HAUS6: variants seen among roughly 807,000 people sequenced by gnomAD.
HAUS6 encodes HAUS augmin-like complex subunit 6.
In HAUS6, 80 loss-of-function variants were observed where a neutral mutation model predicts 106.8. The ratio of observed to expected loss-of-function variants is 0.75; its 90% CI spans 0.63 to 0.90. The LOEUF is 0.90. Among genes scored for constraint, HAUS6 ranks in the 40% least tolerant of loss-of-function variants. The probability of loss-of-function intolerance (pLI) is 0.00; values close to 1 mark genes in which losing one functional copy is unlikely to be tolerated. For missense variants in HAUS6, 1,155 were observed against 1,118.1 expected (o/e 1.03, Z -0.47); for synonymous variants, 356 against 379.1 (o/e 0.94, Z 0.71).
intron 4 of HAUS6, among the ~76,000 whole-genome samples, chr9:19,092,589 T>C (rs991194167): frequency 2.6e-5 from 3 of 117,394 alleles, no homozygotes; most frequent in African/African-American, 3.5e-5. Context: ...CACTCCAGCC[T>C]GGGCAACAAG....
At chr9:19,097,862 C>G (rs1052617734) in intron 1 of HAUS6, among the ~76,000 whole-genome samples, 2 of 151,918 alleles carry the variant, frequency 1.3e-5, no homozygotes, top group East Asian at 1.9e-4. Flanking sequence ...ACTTAAACGG[C>G]AAAGCATGAA....
intron 8 of HAUS6, among the ~76,000 whole-genome samples, chr9:19,082,261 G>A (rs886112746): frequency 6.6e-6 from 1 of 152,292 alleles, no homozygotes; most frequent in East Asian, 1.9e-4. Flanking sequence ...TTGGCAATTA[G>A]GAGATCACTG....
At chr9:19,097,424 C>T in intron 1 of HAUS6, among the ~76,000 whole-genome samples, 1 of 151,988 alleles carries the variant, frequency 6.6e-6, no homozygotes, top group East Asian at 1.9e-4. Context: ...ACAACCCCAT[C>T]AAAAAGTGGG....
At chr9:19,064,826 T>C (rs753942246) in intron 12 of HAUS6, among the ~76,000 whole-genome samples, 2 of 152,178 alleles carry the variant, frequency 1.3e-5, no homozygotes, top group African/African-American at 4.8e-5. Flanking sequence ...ATAATCCAGA[T>C]ATCAAAGGCA....
intron 16 of HAUS6, chr9:19,057,674 T>C (rs1328990323): frequency 2.5e-6 from 1 of 396,538 alleles, no homozygotes; most frequent in Non-Finnish European, 4.5e-6. Context: ...CTGGGCAAGA[T>C]TTTGATGACA....
At chr9:19,093,004 A>C (rs1399198209) in intron 4 of HAUS6, among the ~76,000 whole-genome samples, 167 bp downstream of exon 4, 1 of 152,046 alleles carries the variant, frequency 6.6e-6, no homozygotes, top group Non-Finnish European at 1.5e-5. Flanking sequence ...TATTATGAGA[A>C]GATTTTAAAG....
At chr9:19,097,589 G>A (rs1817891238) in intron 1 of HAUS6, among the ~76,000 whole-genome samples, 2 of 151,986 alleles carry the variant, frequency 1.3e-5, no homozygotes, top group Admixed American at 1.3e-4. Context: ...TCATTAAAAA[G>A]TCAGGAAACA....
At chr9:19,076,305 G>A (rs1476605234) in intron 11 of HAUS6, among the ~76,000 whole-genome samples, 3 of 151,990 alleles carry the variant, frequency 2.0e-5, no homozygotes, top group African/African-American at 7.2e-5. Flanking sequence ...AGTGAGCTGA[G>A]ATTGTTCGAC....
chr9:19,062,943 G>A (rs1186176127), intron 14 of HAUS6, 65 bp downstream of exon 14: 1 of 1,218,834 alleles, frequency 8.2e-7, no homozygotes, highest in Non-Finnish European at 1.2e-6. Context: ...TGGGATTACA[G>A]ACATGGGCCA....
chr9:19,101,216 C>A (rs912164671), intron 1 of HAUS6, among the ~76,000 whole-genome samples: 1 of 152,108 alleles, frequency 6.6e-6, no homozygotes, highest in Non-Finnish European at 1.5e-5. Context: ...AAAATATGTA[C>A]AACTATGAAC....
chr9:19,069,163 T>C (rs949155823), intron 12 of HAUS6, among the ~76,000 whole-genome samples: 3 of 152,198 alleles, frequency 2.0e-5, no homozygotes, highest in African/African-American at 7.2e-5. Context: ...GTCTGAAAAC[T>C]ATCTGGACAA....
Position 19,102,658 on chromosome 9 carries a change from G to C in HAUS6, c.-7C>G, listed in dbSNP as rs1254730598. ...TGACCGAGGCCGAGCTCATCCTCGC[G>C]GTAGGCACGGTGGCTGCAAAGAAAG... On this transcript the variant is annotated 5_prime_UTR_variant, in exon 1 of 17. Transcript: ENST00000380502. 1.2e-6 allele frequency: 2 copies of C among 1,609,844 alleles called. No individual in the cohort carries two copies. The highest frequency in any genetic ancestry group is 3.4e-5 in the Admixed American group (2 of 59,602).
Position 19,102,671 on chromosome 9 carries a change from G to A in HAUS6, c.-20C>T. ...GCTCATCCTCGCGGTAGGCACGGTG[G>A]CTGCAAAGAAAGAAAGCGCAAGCCC... On this transcript the variant is annotated 5_prime_UTR_variant, in exon 1 of 17. Coordinates refer to ENST00000380502, the MANE Select transcript of HAUS6 (RefSeq NM_017645.5). 6.2e-7 allele frequency: 1 copy of A among 1,606,478 alleles called. No individual in the cohort carries two copies. The highest frequency in any genetic ancestry group is 2.2e-5 in the East Asian group (1 of 44,450).
At position 19,056,028 on chromosome 9, in the gene HAUS6, A is replaced by G. The variant is rs1418846405; in HGVS notation, c.*315T>C. 1 of 266,152 alleles carries G rather than the reference A, an allele frequency of 3.8e-6. No homozygotes were observed. The highest frequency in any genetic ancestry group is 7.1e-6 in the Non-Finnish European group (1 of 141,432). 16.5% of individuals were successfully genotyped at this position (266,152 alleles called of 1,614,324 possible). ...ATTGACTGAAGTTATAACATAAGAA[A>G]TAAGTTACACTACTACTTTGTCATT... On this transcript the variant is annotated 3_prime_UTR_variant, in exon 17 of 17. Transcript: ENST00000380502.
intron 1 of HAUS6, among the ~76,000 whole-genome samples, chr9:19,099,995 T>A (rs1051487295): frequency 6.6e-6 from 1 of 152,164 alleles, no homozygotes; most frequent in African/African-American, 2.4e-5. Context: ...AATTTAAGAT[T>A]CCGCCTGGCT....
chr9:19,081,264 A>G (rs1837142732), intron 8 of HAUS6, among the ~76,000 whole-genome samples: 1 of 152,172 alleles, frequency 6.6e-6, no homozygotes. Context: ...GATGGAAAGA[A>G]AAATAAAGAT....
At chr9:19,097,217 A>T (rs1355675850) in intron 1 of HAUS6, among the ~76,000 whole-genome samples, 1 of 152,188 alleles carries the variant, frequency 6.6e-6, no homozygotes, top group Non-Finnish European at 1.5e-5. Context: ...AAAACACCAA[A>T]AGCAATGGCA....
intron 7 of HAUS6, among the ~76,000 whole-genome samples, chr9:19,085,416 C>G (rs756937722): frequency 6.6e-6 from 1 of 150,820 alleles, no homozygotes; most frequent in Non-Finnish European, 1.5e-5. Context: ...TGCCTGTTCT[C>G]CTCATTGTTG....
chr9:19,061,261 TA>T (rs1005974007), intron 14 of HAUS6, among the ~76,000 whole-genome samples: 2 of 152,202 alleles, frequency 1.3e-5, no homozygotes, highest in Admixed American at 1.3e-4. Flanking sequence ...TTCTGGGAAT[TA>T]AAACACTAAA....
Sources: gnomAD v4.1 joint callset for allele counts (sites outside exome capture counted in the v4.1 genomes callset) on GRCh38, gnomAD v4.1.1 for gene constraint, MANE v1.5 for transcripts, NCBI Gene and HGNC (gene_info 2026-07-23, HGNC 2026-07-21) for gene names.